The following PHC3 variants were observed in gnomAD, a reference collection of about 807,000 sequenced individuals.
The protein encoded by PHC3 is polyhomeotic-like protein 3.
Under a neutral mutation model 107.4 loss-of-function variants are expected in PHC3, and 13 were observed. That is an observed-to-expected ratio of 0.12 (90% CI 0.08 to 0.19). The LOEUF (loss-of-function observed/expected upper bound fraction) is 0.19, where lower values mean the gene tolerates loss of function less well. Among genes scored for constraint, PHC3 ranks in the 10% least tolerant of loss-of-function variants. The pLI is 1.00. For missense variants in PHC3, 992 were observed against 1,210.9 expected, an observed-to-expected ratio of 0.82 and a Z score of 2.68; for synonymous variants, 456 against 427.4, an observed-to-expected ratio of 1.07 and a Z score of -0.83.
intron 8 of PHC3, among the ~76,000 whole-genome samples, chr3:170,126,504 G>GTATATATATATA (rs1174515889): frequency 5.1e-5 from 6 of 117,320 alleles, no homozygotes; most frequent in African/African-American, 2.1e-4. Flanking sequence ...TGCTCCATAT[G>GTATATATATATA]TATATATATA....
In PHC3 at chr3:170,091,797, T is replaced by C. The variant is rs948154846; in HGVS notation, c.*5433A>G. The C allele has an allele frequency of 1.3e-5, 2 of 151,800 alleles. No homozygotes were observed. The highest frequency in any genetic ancestry group is 4.8e-5 in the African/African-American group (2 of 41,428). The allele number at this position is 151,800 out of a possible 1,614,324, so 9.4% of individuals were successfully genotyped here. Reference sequence around the variant, plus strand: ...CAACTTTCAAAAAAAAGCTTTCTCATAGTACAATTTTAAAACGGATTAGGT... The same window carrying C: ...CAACTTTCAAAAAAAAGCTTTCTCACAGTACAATTTTAAAACGGATTAGGT... On this transcript the variant is annotated 3_prime_UTR_variant, in exon 15 of 15. Transcript: ENST00000495893.
intron 11 of PHC3, among the ~76,000 whole-genome samples, chr3:170,110,699 T>C (rs1717474017): frequency 6.6e-6 from 1 of 152,190 alleles, no homozygotes; most frequent in East Asian, 1.9e-4. Context: ...CTTCTTTATG[T>C]ATGTAAATAA....
intron 4 of PHC3, among the ~76,000 whole-genome samples, chr3:170,167,087 GT>G (rs1728853772): frequency 6.6e-6 from 1 of 152,150 alleles, no homozygotes; most frequent in African/African-American, 2.4e-5. Context: ...CAGGTATTGT[GT>G]AAACGTTTTT....
chr3:170,145,567 T>C (rs1219307911), intron 5 of PHC3, 46 bp from the exon 6 acceptor site: 9 of 1,373,684 alleles, frequency 6.6e-6, no homozygotes, highest in African/African-American at 2.9e-5. Flanking sequence ...CAAAAGAACA[T>C]GTCCCACACA....
rs1452383948 is a variant in PHC3, at chr3:170,087,954, A to C, written c.*9276T>G. ...TTTTAAAAAAATACACCAAATGGAC[A>C]CTTTTTACATAGATCAAATGTGCTC... On this transcript the variant is annotated 3_prime_UTR_variant, in exon 15 of 15. Transcript: ENST00000495893. 6.6e-6 allele frequency: 1 copy of C among 152,172 alleles called. No individual in the cohort carries two copies. The highest frequency in any genetic ancestry group is 6.5e-5 in the Admixed American group (1 of 15,270). The allele number at this position is 152,172 out of a possible 1,614,324, so 9.4% of individuals were successfully genotyped here. A position where few individuals can be genotyped will look rare whatever the true frequency, so the allele number is the denominator to read the frequency against.
intron 9 of PHC3, among the ~76,000 whole-genome samples, chr3:170,121,590 C>A (rs1720324556): frequency 6.6e-6 from 1 of 151,988 alleles, no homozygotes; most frequent in African/African-American, 2.4e-5. Flanking sequence ...ACTCAAACTC[C>A]AGGGCTCAAG....
chr3:170,169,328 C>G (rs1247187251), intron 4 of PHC3, among the ~76,000 whole-genome samples: 1 of 152,104 alleles, frequency 6.6e-6, no homozygotes, highest in Non-Finnish European at 1.5e-5. Flanking sequence ...ATAATCAAAA[C>G]TCTGAAAACT....
chr3:170,145,482 A>T lies in PHC3; in HGVS notation c.613T>A (p.Ser205Thr). 3 of 1,613,480 alleles carry T rather than the reference A, an allele frequency of 1.9e-6. No homozygotes were observed. Among genetic ancestry groups the T allele is most frequent in the Non-Finnish European group, 2.5e-6 (3 of 1,179,550 alleles). The stretch of plus-strand genomic sequence containing the variant: ...GACGACGAGACAACAGGAATGTCAG[A>T]CTGTACAGCAGCCACAGTGGTAGCG... Reference protein sequence around the residue: ...TPATTVAAVQSDIPVVSSSSS... With the variant: ...TPATTVAAVQTDIPVVSSSSS... Residue 205 changes from serine (S) to threonine (T), a missense_variant, in exon 6 of 15, where the codon TCT becomes ACT. Physicochemically the swap from Ser to Thr is moderately conservative, Grantham distance 58. This residue lies in a region of PHC3 where 35 missense variants were observed against 73.6 expected (regional missense o/e 0.48). Transcript: ENST00000495893.
chr3:170,099,508 C>T (rs1375457468), intron 14 of PHC3, among the ~76,000 whole-genome samples: 1 of 152,154 alleles, frequency 6.6e-6, no homozygotes, highest in Non-Finnish European at 1.5e-5. Flanking sequence ...CTGACATTAA[C>T]ATCTACTTTG....
intron 7 of PHC3, among the ~76,000 whole-genome samples, chr3:170,135,298 G>T (rs1471396182): frequency 2.6e-5 from 4 of 151,994 alleles, no homozygotes; most frequent in Non-Finnish European, 4.4e-5. Flanking sequence ...CTACAGGTGT[G>T]CACCACCATG....
In PHC3 at chr3:170,102,928, A is replaced by G. The variant is rs752444142; in HGVS notation, c.2475T>C (p.Asn825=). Residue 825 remains asparagine, a synonymous_variant, in exon 13 of 15, where the codon AAT becomes AAC. Coordinates refer to ENST00000495893, the MANE Select transcript of PHC3 (RefSeq NM_024947.4). The part of the protein sequence containing the change: ...FCTMSCAKRY[N]VSCSKKFALS... ...GTGCAAATTTTTTAGAACAGCTAACATTGTACCTAAGAAATTCAAGAAAGA... is the reference window on the plus strand; with the variant it reads ...GTGCAAATTTTTTAGAACAGCTAACGTTGTACCTAAGAAATTCAAGAAAGA... 6.2e-7 allele frequency: 1 copy of G among 1,611,372 alleles called. No homozygotes were observed. The highest frequency in any genetic ancestry group is 8.5e-7 in the Non-Finnish European group (1 of 1,178,336).
chr3:170,120,057 A>G (rs568423624), intron 9 of PHC3, among the ~76,000 whole-genome samples: 1 of 152,326 alleles, frequency 6.6e-6, no homozygotes, highest in South Asian at 2.1e-4. Flanking sequence ...AAGTACTATT[A>G]GTAATGCTTA....
chr3:170,158,316 T>C (rs559956288), intron 4 of PHC3, among the ~76,000 whole-genome samples: 1 of 152,172 alleles, frequency 6.6e-6, no homozygotes, highest in South Asian at 2.1e-4. Flanking sequence ...TGAGCCAAGA[T>C]TGTGCCACTG....
rs35688815 is a variant in PHC3 at position 170,171,423 on chromosome 3, T to C, written c.364A>G (p.Thr122Ala). 6.6e-4 allele frequency: 1,067 copies of C among 1,606,734 alleles called. 7 individuals are homozygous for C. In the African/African-American group the frequency reaches 0.011, roughly 17 times the overall value. The change falls in exon 4 of 15, where the codon ACA becomes GCA. Residue 122 changes from threonine to alanine, a missense_variant. This residue lies in a region of PHC3 where 161 missense variants were observed against 183.7 expected (regional missense o/e 0.88). Coordinates refer to ENST00000495893, the MANE Select transcript of PHC3 (RefSeq NM_024947.4). ...QASLSSGRPS[T>A]SPTGSVTQQS... Reference sequence around the variant, plus strand: ...TGTGTGACACTTCCTGTGGGAGATGTAGATGGTCTTCCACTGGACAAACTT... The same window carrying C: ...TGTGTGACACTTCCTGTGGGAGATGCAGATGGTCTTCCACTGGACAAACTT...
chr3:170,129,596 C>T (rs1452610689), intron 7 of PHC3, 44 bp from the exon 8 acceptor site: 1 of 1,528,206 alleles, frequency 6.5e-7, no homozygotes, highest in East Asian at 2.3e-5. Context: ...TTCAAAAATA[C>T]AGAAATTTTT....
chr3:170,118,261 T>C (rs1181639098), intron 9 of PHC3, among the ~76,000 whole-genome samples: 1 of 152,222 alleles, frequency 6.6e-6, no homozygotes, highest in East Asian at 1.9e-4. Flanking sequence ...TATTTATATG[T>C]TTTTTGGAGA....
At chr3:170,181,514 C>T (rs551839727) in intron 1 of PHC3, among the ~76,000 whole-genome samples, 188 bp downstream of exon 1, 354 of 152,290 alleles carry the variant, frequency 2.3e-3, no homozygotes, top group African/African-American at 8.2e-3. Context: ...TGGAGGGTAA[C>T]TGGACCCTAG....
At chr3:170,159,704 A>T (rs548593917) in intron 4 of PHC3, among the ~76,000 whole-genome samples, 2 of 152,342 alleles carry the variant, frequency 1.3e-5, no homozygotes, top group East Asian at 3.9e-4. Flanking sequence ...ACACAATGAC[A>T]TCTAGACACA....
intron 4 of PHC3, among the ~76,000 whole-genome samples, chr3:170,164,263 T>G (rs1416920768): frequency 1.3e-5 from 2 of 152,084 alleles, no homozygotes; most frequent in African/African-American, 4.8e-5. Context: ...TGAGAGAAAA[T>G]GGGACTACTG....
Sources: gnomAD v4.1 joint callset for allele counts (sites outside exome capture counted in the v4.1 genomes callset) on GRCh38, gnomAD v4.1.1 for gene constraint, gnomAD v4.1.1 regional missense constraint, MANE v1.5 for transcripts, NCBI Gene and HGNC (gene_info 2026-07-23, HGNC 2026-07-21) for gene names.